The following TNPO2 variants were observed in gnomAD, a reference collection of about 807,000 sequenced individuals.
TNPO2 encodes the protein transportin-2.
TNPO2 carries 16 observed loss-of-function variants against 111.1 expected under a neutral mutation model. The ratio of observed to expected loss-of-function variants is 0.14; its 90% CI spans 0.10 to 0.22. The LOEUF (loss-of-function observed/expected upper bound fraction) is 0.22. Among genes scored for constraint, TNPO2 ranks in the 10% least tolerant of loss-of-function variants. The probability of loss-of-function intolerance (pLI) is 1.00; values close to 1 mark genes in which losing one functional copy is unlikely to be tolerated. For synonymous variants in TNPO2, 481 were observed against 475.8 expected, an observed-to-expected ratio of 1.01 and a Z score of -0.14; for missense variants, 530 against 1,173.7, an observed-to-expected ratio of 0.45 and a Z score of 8.01.
At position 12,706,106 on chromosome 19, in the gene TNPO2, G is replaced by T; in HGVS notation, c.1668+90C>A. 1 of 1,460,912 alleles carries T rather than the reference G, an allele frequency of 6.8e-7. No homozygotes were observed. The allele number at this position is 1,460,912 out of a possible 1,614,324, so 90.5% of individuals were successfully genotyped here. ...GTCTGCCTGTCGAGGTCACGGCCAC[G>T]TCCCTGGCGTGCAACACGGGGTTGC... On this transcript the variant is annotated intron_variant, in intron 15 of 25. Transcript: ENST00000425528. This position sits in a 1 kb window ranked among gnomAD's most constrained non-coding sequence, Gnocchi z 7.0.
rs568805777 is a variant in TNPO2 at position 12,719,799 on chromosome 19, G to GAAAA, written c.100-467_100-464dup. ...GGGCGACAGAGCAAGACTCCATCTT[G>GAAAA]AAAAAAAAAAAAATCATACAAGGAG... On this transcript the variant is annotated intron_variant, in intron 3 of 25. Transcript: ENST00000425528. The surrounding 1 kb of genome is among the most constrained non-coding windows in gnomAD (Gnocchi z 5.0). Among the ~76,000 whole-genome samples, 188 of 141,632 alleles carry GAAAA rather than the reference G, an allele frequency of 1.3e-3. No homozygotes were observed. The highest frequency in any genetic ancestry group is 4.7e-3 in the African/African-American group (184 of 38,802). The allele number at this position is 141,632 out of a possible 152,430, so 92.9% of individuals were successfully genotyped here. A position where few individuals can be genotyped will look rare whatever the true frequency, so the allele number is the denominator to read the frequency against.
At chr19:12,710,566 G>A (rs546451913) in intron 13 of TNPO2, 55 bp downstream of exon 13, 1 of 1,586,280 alleles carries the variant, frequency 6.3e-7, no homozygotes, top group Admixed American at 1.8e-5. Context: ...CTAGTAATGT[G>A]GGCCAGCCCT....
At position 12,706,553 on chromosome 19, in the gene TNPO2, C is replaced by G; in HGVS notation, c.1496+17G>C. ...CGGGGGAGAGTGGGGGCTGTGGGAT[C>G]AGGGGTCCAGGGTCACCTGCAGGCC... On this transcript the variant is annotated intron_variant, in intron 14 of 25. Transcript: ENST00000425528. This position sits in a 1 kb window ranked among gnomAD's most constrained non-coding sequence, Gnocchi z 7.0. 1 of 1,613,306 alleles carries G rather than the reference C, an allele frequency of 6.2e-7. No individual in the cohort carries two copies. The highest frequency in any genetic ancestry group is 1.3e-5 in the African/African-American group (1 of 75,030).
Position 12,703,708 on chromosome 19 carries a change from T to C in TNPO2, c.2110+6A>G. 1 of 1,607,228 alleles carries C rather than the reference T, an allele frequency of 6.2e-7. No homozygotes were observed. The highest frequency in any genetic ancestry group is 8.5e-7 in the Non-Finnish European group (1 of 1,176,756). On this transcript the variant is annotated splice_donor_region_variant and intron_variant, in intron 19 of 25. Coordinates refer to ENST00000425528, the MANE Select transcript of TNPO2 (RefSeq NM_001382241.1). ...TCATGGGTTAGGGACAAGGCGAGTG[T>C]CGTACCGATACAGGGCTTGACATGG...
chr19:12,715,589 AGC>A lies in TNPO2; in HGVS notation c.432+42_432+43del, dbSNP rs1491434687. On this transcript the variant is annotated intron_variant, in intron 6 of 25. Transcript: ENST00000425528. This position sits in a 1 kb window ranked among gnomAD's most constrained non-coding sequence, Gnocchi z 7.1. ...AACGTGGGTGGTGGGTGGTGGTCCC[AGC>A]CCCCCAGTACTCGCTCTGGCCATCC... The A allele has an allele frequency of 6.2e-7, 1 of 1,613,518 alleles. No homozygotes were observed. Among genetic ancestry groups the A allele is most frequent in the South Asian group, 1.1e-5 (1 of 91,060 alleles).
At position 12,705,634 on chromosome 19, in the gene TNPO2, G is replaced by A. The variant is rs1185420243; in HGVS notation, c.1756-35C>T. On this transcript the variant is annotated intron_variant, in intron 16 of 25. Transcript: ENST00000425528. This position sits in a 1 kb window ranked among gnomAD's most constrained non-coding sequence, Gnocchi z 7.2. ...AGGAAGGCAGGTGGGGAGAACTCAGGCAGGGTGGGCAGGATGGGTTTCGGG... is the reference window on the plus strand; with the variant it reads ...AGGAAGGCAGGTGGGGAGAACTCAGACAGGGTGGGCAGGATGGGTTTCGGG... The A allele has an allele frequency of 1.3e-6, 2 of 1,573,252 alleles. No homozygotes were observed. The highest frequency in any genetic ancestry group is 3.7e-5 in the Admixed American group (2 of 53,806).
rs1422847266 is a variant in TNPO2, at chr19:12,713,664, C to T, written c.890+1157G>A. On this transcript the variant is annotated intron_variant, in intron 10 of 25. Transcript: ENST00000425528. ...GAGGTTGCAGTGAGCCGAGATTGTG[C>T]CACTGCCCTCCAGCCTGGGCAGCAG... Among the ~76,000 whole-genome samples, 4 of 151,936 alleles carry T rather than the reference C, an allele frequency of 2.6e-5. No individual in the cohort carries two copies. In the East Asian group the frequency reaches 7.7e-4, roughly 29 times the overall value.
intron 13 of TNPO2, among the ~76,000 whole-genome samples, chr19:12,707,576 G>A (rs1320822716): frequency 7.7e-6 from 1 of 130,432 alleles, no homozygotes; most frequent in Non-Finnish European, 1.5e-5. Flanking sequence ...TGCAGCCTCT[G>A]CCTCCCGGGT....
In TNPO2 at chr19:12,705,721, C is replaced by T. The variant is rs867826218; in HGVS notation, c.1716G>A (p.Glu572=). ...LMPPLIQKWN[E]LKDEDKDLFP... ...AGAGGTCCTTGTCTTCGTCCTTGAG[C>T]TCATTCCACTTCTGGATCAGTGGGG... Residue 572 remains glutamate, a synonymous_variant, in exon 16 of 26, where the codon GAG becomes GAA. Coordinates refer to ENST00000425528, the MANE Select transcript of TNPO2 (RefSeq NM_001382241.1). This position sits in a 1 kb window ranked among gnomAD's most constrained non-coding sequence, Gnocchi z 7.2. 5 of 1,489,406 alleles carry T rather than the reference C, an allele frequency of 3.4e-6. No individual in the cohort carries two copies. In the Admixed American group the frequency reaches 7.2e-5, roughly 21 times the overall value. The allele number at this position is 1,489,406 out of a possible 1,614,324, so 92.3% of individuals were successfully genotyped here. A position where few individuals can be genotyped will look rare whatever the true frequency, so the allele number is the denominator to read the frequency against.
At chr19:12,708,121 C>CATTTTTAACA (rs2025810571) in intron 13 of TNPO2, among the ~76,000 whole-genome samples, 1 of 150,598 alleles carries the variant, frequency 6.6e-6, no homozygotes, top group Non-Finnish European at 1.5e-5. Context: ...TGTGCCCAGC[C>CATTTTTAACA]ATTTTTAACA....
Position 12,721,523 on chromosome 19 carries a change from C to T in TNPO2, c.-13-533G>A. ...CTGCCCTAGTCCAATTTCTGAGCTT[C>T]CCCAGATGCGCCCTCCCAAGACGAT... On this transcript the variant is annotated intron_variant, in intron 2 of 25. Transcript: ENST00000425528. This position sits in a 1 kb window ranked among gnomAD's most constrained non-coding sequence, Gnocchi z 4.9. 1 of 361,682 alleles carries T rather than the reference C, an allele frequency of 2.8e-6. No individual in the cohort carries two copies. Among genetic ancestry groups the T allele is most frequent in the South Asian group, 2.0e-5 (1 of 49,108 alleles). 22.4% of individuals were successfully genotyped at this position (361,682 alleles called of 1,614,324 possible).
chr19:12,716,521 G>C (rs922793512), intron 5 of TNPO2, among the ~76,000 whole-genome samples: 1 of 152,164 alleles, frequency 6.6e-6, no homozygotes, highest in African/African-American at 2.4e-5. Context: ...AGCTACTTGG[G>C]AGGCCGAGGC....
chr19:12,701,132 T>A lies in TNPO2; in HGVS notation c.*132A>T, dbSNP rs1325440639. On this transcript the variant is annotated 3_prime_UTR_variant, in exon 26 of 26. Coordinates refer to ENST00000425528, the MANE Select transcript of TNPO2 (RefSeq NM_001382241.1). This position sits in a 1 kb window ranked among gnomAD's most constrained non-coding sequence, Gnocchi z 5.0. ...GACGGACGGACGGACGGGGAAGGCA[T>A]CTGGATTTGAGTCCCACTCACTCCT... 1 of 504,568 alleles carries A rather than the reference T, an allele frequency of 2.0e-6. No individual in the cohort carries two copies. Among genetic ancestry groups the A allele is most frequent in the East Asian group, 3.2e-5 (1 of 31,264 alleles). The allele number at this position is 504,568 out of a possible 1,614,324, so 31.3% of individuals were successfully genotyped here.
chr19:12,715,014 C>A lies in TNPO2; in HGVS notation c.771+33G>T. The A allele has an allele frequency of 6.3e-7, 1 of 1,576,734 alleles. No individual in the cohort carries two copies. On this transcript the variant is annotated intron_variant, in intron 9 of 25. Transcript: ENST00000425528. The surrounding 1 kb of genome is among the most constrained non-coding windows in gnomAD (Gnocchi z 7.1). ...CTGACCCCTGCCACCGGCCCCCTGCCTGCCCGCCTGGGCTGGCCTTGACCA... is the reference window on the plus strand; with the variant it reads ...CTGACCCCTGCCACCGGCCCCCTGCATGCCCGCCTGGGCTGGCCTTGACCA...
rs1408636107 is a variant in TNPO2, at chr19:12,703,509, G to C, written c.2128C>G (p.Leu710Val). The C allele has an allele frequency of 4.3e-6, 7 of 1,614,052 alleles. No homozygotes were observed. In the Middle Eastern group the frequency reaches 8.2e-4, roughly 190 times the overall value. ...AACTCTGGGTTCAGGTTGGTGCCCA[G>C]AATGGGCATGAACTCGGCTGGTGGG... Reference protein sequence around the residue: ...KPCIAEFMPILGTNLNPEFIS... With the variant: ...KPCIAEFMPIVGTNLNPEFIS... The change falls in exon 20 of 26, where the codon CTG becomes GTG. Residue 710 changes from leucine to valine, a missense_variant. By Grantham distance (32) the Leu-to-Val change is conservative (BLOSUM62 1). Coordinates refer to ENST00000425528, the MANE Select transcript of TNPO2 (RefSeq NM_001382241.1).
rs1278386658 is a variant in TNPO2 at position 12,706,932 on chromosome 19, C to T, written c.1271-137G>A. ...TTAAATCACTGGCCCAGACTCATTT[C>T]ACAGAGCCAGGTAAAGGCAGGCACA... On this transcript the variant is annotated intron_variant, in intron 13 of 25. Transcript: ENST00000425528. The surrounding 1 kb of genome is among the most constrained non-coding windows in gnomAD (Gnocchi z 7.0). The T allele has an allele frequency of 1.4e-6, 1 of 736,280 alleles. No individual in the cohort carries two copies. Among genetic ancestry groups the T allele is most frequent in the East Asian group, 2.7e-5 (1 of 36,898 alleles). The allele number at this position is 736,280 out of a possible 1,614,324, so 45.6% of individuals were successfully genotyped here. A position where few individuals can be genotyped will look rare whatever the true frequency, so the allele number is the denominator to read the frequency against.
chr19:12,701,387 G>A lies in TNPO2; in HGVS notation c.2653C>T (p.Pro885Ser). ...GCCGCCAGCCTCTCCTTGAGCAGCG[G>A]CGGGAATTGCTCAGAGAACTGCTGC... The part of the protein sequence containing the change: ...NWQQFSEQFP[P>S]LLKERLAAFY... Residue 885 changes from proline to serine, a missense_variant, in exon 25 of 26, where the codon CCG (proline) becomes TCG (serine). Physicochemically the swap from Pro to Ser is moderately conservative, Grantham distance 74 (BLOSUM62 -1). Coordinates refer to ENST00000425528, the MANE Select transcript of TNPO2 (RefSeq NM_001382241.1). This position sits in a 1 kb window ranked among gnomAD's most constrained non-coding sequence, Gnocchi z 5.0. The A allele has an allele frequency of 1.2e-6, 2 of 1,613,972 alleles. No individual in the cohort carries two copies. The highest frequency in any genetic ancestry group is 1.7e-5 in the Admixed American group (1 of 60,020).
chr19:12,721,146 C>CTG lies in TNPO2; in HGVS notation c.-13-157_-13-156insCA. 2 of 1,437,010 alleles carry CTG rather than the reference C, an allele frequency of 1.4e-6. No homozygotes were observed. The highest frequency in any genetic ancestry group is 1.8e-6 in the Non-Finnish European group (2 of 1,102,652). 89.0% of individuals were successfully genotyped at this position (1,437,010 alleles called of 1,614,324 possible). ...CCACGCCCGCCCAAGTGCGGGGTCC[C>CTG]CGCCAGCTGCGCCATCCTCGGCCGC... is the stretch of plus-strand genomic sequence containing the variant. On this transcript the variant is annotated intron_variant, in intron 2 of 25. Coordinates refer to ENST00000425528, the MANE Select transcript of TNPO2 (RefSeq NM_001382241.1). This position sits in a 1 kb window ranked among gnomAD's most constrained non-coding sequence, Gnocchi z 4.9.
At chr19:12,713,798 C>G (rs1468470598) in intron 10 of TNPO2, among the ~76,000 whole-genome samples, 1 of 152,118 alleles carries the variant, frequency 6.6e-6, no homozygotes, top group Non-Finnish European at 1.5e-5. Flanking sequence ...GAGACCAAGA[C>G]AGGAGGACTG....
Sources: allele counts gnomAD v4.1 joint callset (sites outside exome capture counted in the v4.1 genomes callset), GRCh38; gene constraint gnomAD v4.1.1; non-coding constraint Gnocchi (gnomAD v3.1); transcripts MANE v1.5; gene names NCBI Gene and HGNC (gene_info 2026-07-23, HGNC 2026-07-21).